Variants in RNF144A observed in about 807,000 individuals in gnomAD.
RNF144A encodes the protein E3 ubiquitin-protein ligase RNF144A.
RNF144A carries 11 observed loss-of-function variants against 38.7 expected under a neutral mutation model. The ratio of observed to expected loss-of-function variants is 0.28; its 90% CI spans 0.18 to 0.47. The LOEUF is 0.47. Ranked by LOEUF, RNF144A falls within the 20% of genes least tolerant of loss-of-function variation. The pLI is 0.99. For missense variants in RNF144A, 316 were observed against 377.2 expected (o/e 0.84, Z 1.34); for synonymous variants, 149 against 143.9 (o/e 1.04, Z -0.25).
chr2:6,987,303 C>T (rs62105611), intron 2 of RNF144A, among the ~76,000 whole-genome samples: 1,999 of 152,254 alleles, frequency 0.013, 90 homozygotes, highest in Admixed American at 0.097. Flanking sequence ...GGAGGCGTCT[C>T]GGGGCCACAC....
chr2:6,990,331 G>T (rs1669249328), intron 2 of RNF144A, among the ~76,000 whole-genome samples: 1 of 149,416 alleles, frequency 6.7e-6, no homozygotes, highest in Non-Finnish European at 1.5e-5. Flanking sequence ...CCACCCTTAC[G>T]AGCTCATTTA....
At chr2:6,996,877 G>C in intron 2 of RNF144A, 39 bp from the exon 3 acceptor site, 1 of 1,599,176 alleles carries the variant, frequency 6.3e-7, no homozygotes, top group Admixed American at 1.7e-5. Context: ...GGATGCCAGG[G>C]GTGGGGAGGT....
At chr2:6,955,748 G>A (rs1666961709) in intron 2 of RNF144A, among the ~76,000 whole-genome samples, 1 of 152,128 alleles carries the variant, frequency 6.6e-6, no homozygotes, top group African/African-American at 2.4e-5. Context: ...CCTGTCCAGT[G>A]TCCCAAAACA....
intron 2 of RNF144A, among the ~76,000 whole-genome samples, chr2:6,977,586 G>T (rs541632271): frequency 4.6e-5 from 7 of 152,336 alleles, no homozygotes; most frequent in African/African-American, 1.7e-4. Context: ...GGCATAAAAT[G>T]ATCTCTGTTA....
intron 7 of RNF144A, among the ~76,000 whole-genome samples, chr2:7,029,240 G>A (rs141894656): frequency 4.6e-5 from 7 of 152,208 alleles, no homozygotes; most frequent in Non-Finnish European, 1.0e-4. Flanking sequence ...CATGTGCCTC[G>A]TCATTTCCTT....
At chr2:7,025,996 C>G (rs1671870096) in intron 7 of RNF144A, among the ~76,000 whole-genome samples, 2 of 152,186 alleles carry the variant, frequency 1.3e-5, no homozygotes, top group African/African-American at 4.8e-5. Flanking sequence ...TACCATGGGG[C>G]TATCTCAGAG....
At position 7,014,741 on chromosome 2, in the gene RNF144A, G is replaced by A. The variant is rs1194724218; in HGVS notation, c.270G>A (p.Met90Ile). 1.9e-6 allele frequency: 3 copies of A among 1,613,180 alleles called. No individual in the cohort carries two copies. The highest frequency in any genetic ancestry group is 2.5e-6 in the Non-Finnish European group (3 of 1,179,270). ...AGTGCATGGTTGCAGCTGAAATTAT[G>A]CAAAGATATAAAAAGCTACAATTTG... ...EIECMVAAEI[M>I]QRYKKLQFER... Residue 90 changes from methionine to isoleucine, a missense_variant, in exon 5 of 9, where the codon ATG becomes ATA. Coordinates refer to ENST00000320892, the MANE Select transcript of RNF144A (RefSeq NM_014746.6).
intron 2 of RNF144A, among the ~76,000 whole-genome samples, chr2:6,964,161 T>C (rs1464870919): frequency 1.3e-5 from 2 of 152,164 alleles, no homozygotes; most frequent in Non-Finnish European, 2.9e-5. Flanking sequence ...AGGGAGCATG[T>C]TCATGTCCTT....
At chr2:7,047,141 C>A (rs1673337899), downstream of RNF144A, among the ~76,000 whole-genome samples, 1 of 152,122 alleles carries the variant, frequency 6.6e-6, no homozygotes, top group South Asian at 2.1e-4. Context: ...TATTTGCCTG[C>A]TGTTATTGGA....
intron 2 of RNF144A, among the ~76,000 whole-genome samples, chr2:6,994,325 A>G (rs188961737): frequency 6.6e-6 from 1 of 152,288 alleles, no homozygotes; most frequent in Non-Finnish European, 1.5e-5. Context: ...TTGTGATCCA[A>G]TTTAGGGCCA....
At chr2:6,967,761 T>C (rs140657687) in intron 2 of RNF144A, among the ~76,000 whole-genome samples, 238 of 152,312 alleles carry the variant, frequency 1.6e-3, no homozygotes, top group African/African-American at 5.4e-3. Flanking sequence ...GGAATCATTG[T>C]CTCAGGCTCT....
chr2:6,996,721 C>T, intron 2 of RNF144A, 195 bp from the exon 3 acceptor site: 1 of 572,828 alleles, frequency 1.7e-6, no homozygotes, highest in Admixed American at 3.0e-5. Flanking sequence ...CCACTGTACT[C>T]CAACCTGGAC....
intron 2 of RNF144A, among the ~76,000 whole-genome samples, chr2:6,970,860 C>T (rs962209928): frequency 1.3e-5 from 2 of 152,228 alleles, no homozygotes; most frequent in African/African-American, 2.4e-5. Flanking sequence ...CTGCAGCCCT[C>T]ATTCCTGTTT....
Position 7,042,301 on chromosome 2 carries a change from C to T in RNF144A, c.*2541C>T, listed in dbSNP as rs891993955. The T allele has an allele frequency of 7.1e-6, 7 of 985,252 alleles. No homozygotes were observed. The highest frequency in any genetic ancestry group is 6.0e-6 in the Non-Finnish European group (5 of 829,942). 61.0% of individuals were successfully genotyped at this position (985,252 alleles called of 1,614,324 possible). A position where few individuals can be genotyped will look rare whatever the true frequency, so the allele number is the denominator to read the frequency against. ...CCCTGGGTTTGGACTTTGATCTTGC[C>T]ATCATTCCCCAGTAAAACCTGGGGA... On this transcript the variant is annotated 3_prime_UTR_variant, in exon 9 of 9. Coordinates refer to ENST00000320892, the MANE Select transcript of RNF144A (RefSeq NM_014746.6).
intron 2 of RNF144A, among the ~76,000 whole-genome samples, chr2:6,977,361 A>G (rs1668378779): frequency 6.6e-6 from 1 of 152,226 alleles, no homozygotes; most frequent in Non-Finnish European, 1.5e-5. Context: ...TAATGACACG[A>G]AAGCACAGAC....
rs554035715 is a variant in RNF144A, at chr2:7,043,650, G to A, written c.*3890G>A. The A allele has an allele frequency of 2.0e-5, 20 of 985,822 alleles. No individual in the cohort carries two copies. The highest frequency in any genetic ancestry group is 5.2e-4 in the Middle Eastern group (1 of 1,914). 61.1% of individuals were successfully genotyped at this position (985,822 alleles called of 1,614,324 possible). ...CAAAAACACCAAAAGGAACAAAGGG[G>A]CCTGCGTTAAAACCTAATTGCTAAT... is the stretch of plus-strand genomic sequence containing the variant. On this transcript the variant is annotated 3_prime_UTR_variant, in exon 9 of 9. Transcript: ENST00000320892.
intron 1 of RNF144A, among the ~76,000 whole-genome samples, chr2:6,928,230 C>T (rs754719996): frequency 4.6e-5 from 7 of 152,296 alleles, no homozygotes; most frequent in East Asian, 1.9e-4. Flanking sequence ...GTTAAATGGA[C>T]GGTTTGGGCT....
chr2:7,059,468 T>G (rs1673869751), intron 6 of RNF144A, among the ~76,000 whole-genome samples: 1 of 152,196 alleles, frequency 6.6e-6, no homozygotes, highest in Admixed American at 6.5e-5. Context: ...ACCCACTTCC[T>G]GAGTCAGGCA....
chr2:6,979,712 A>G (rs1346685979), intron 2 of RNF144A, among the ~76,000 whole-genome samples: 3 of 152,174 alleles, frequency 2.0e-5, no homozygotes, highest in Non-Finnish European at 4.4e-5. Context: ...ATAAGTTGAG[A>G]GACTTAGGTT....
Sources: gnomAD v4.1 joint callset for allele counts (sites outside exome capture counted in the v4.1 genomes callset) on GRCh38, gnomAD v4.1.1 for gene constraint, MANE v1.5 for transcripts, NCBI Gene and HGNC (gene_info 2026-07-23, HGNC 2026-07-21) for gene names.